The following CATSPERD variants were observed in gnomAD, a reference collection of about 807,000 sequenced individuals.
The protein encoded by CATSPERD is cation channel sperm-associated auxiliary subunit delta.
A neutral mutation model predicts 98.1 loss-of-function variants in CATSPERD; 86 were observed. The ratio of observed to expected loss-of-function variants is 0.88; its 90% CI spans 0.74 to 1.05. The LOEUF is 1.05. CATSPERD is among the 50% of genes least tolerant of loss of function. The pLI, the probability that CATSPERD is intolerant of heterozygous loss-of-function variation, is 0.00. For missense variants in CATSPERD, 995 were observed against 1,005.7 expected (o/e 0.99, Z 0.14); for synonymous variants, 394 against 390.2 (o/e 1.01, Z -0.12).
At chr19:5,775,567 T>C (rs916755771) in intron 20 of CATSPERD, among the ~76,000 whole-genome samples, 3 of 145,436 alleles carry the variant, frequency 2.1e-5, no homozygotes, top group Non-Finnish European at 3.0e-5. Flanking sequence ...GAGAATTGCA[T>C]GCATCCGGGA....
At chr19:5,758,923 C>CA (rs1002375684) in intron 14 of CATSPERD, among the ~76,000 whole-genome samples, 163 bp from the exon 15 acceptor site, 2,979 of 36,916 alleles carry the variant, frequency 0.081, 109 homozygotes, top group Non-Finnish European at 0.12. Context: ...GACTCCATCT[C>CA]AAAAAAAAAA....
intron 15 of CATSPERD, among the ~76,000 whole-genome samples, chr19:5,761,365 G>C (rs968805865): frequency 9.6e-6 from 1 of 104,438 alleles, no homozygotes; most frequent in Admixed American, 1.1e-4. Context: ...GCCTCCCAAA[G>C]TGCTAGAATT....
chr19:5,756,385 T>A (rs924642083), intron 13 of CATSPERD, among the ~76,000 whole-genome samples: 6 of 152,172 alleles, frequency 3.9e-5, no homozygotes, highest in Non-Finnish European at 8.8e-5. Flanking sequence ...ATGCGAAAGT[T>A]TTGGAAACAG....
chr19:5,770,864 A>G (rs2056630439), intron 18 of CATSPERD, 80 bp from the exon 19 acceptor site: 1 of 1,515,004 alleles, frequency 6.6e-7, no homozygotes, highest in Non-Finnish European at 8.8e-7. Flanking sequence ...ATTTGCAAAA[A>G]AGAAACTGCG....
intron 7 of CATSPERD, among the ~76,000 whole-genome samples, chr19:5,741,859 G>A (rs1210918296): frequency 2.3e-5 from 3 of 131,616 alleles, no homozygotes; most frequent in Admixed American, 9.0e-5. Context: ...GTGAAACCCC[G>A]TCTCTACTGA....
rs146186945 is a variant in CATSPERD, at chr19:5,751,451, G to A, written c.988-196G>A. Among the ~76,000 whole-genome samples the A allele has an allele frequency of 8.3e-3, 1,060 of 127,580 alleles. 15 individuals are homozygous for A. The highest frequency in any genetic ancestry group is 0.028 in the African/African-American group (991 of 35,302). 83.7% of individuals were successfully genotyped at this position (127,580 alleles called of 152,430 possible). On this transcript the variant is annotated intron_variant, in intron 11 of 21. Coordinates refer to ENST00000381624, the MANE Select transcript of CATSPERD (RefSeq NM_152784.4). ...CGGGAGGCTGAGGCAGGAGAATGGC[G>A]TGAACCCGGGAGGCGGAGCTTGCAG...
At position 5,746,142 on chromosome 19, in the gene CATSPERD, G is replaced by A. The variant is rs2056089849; in HGVS notation, c.808+79G>A. 5 of 1,509,526 alleles carry A rather than the reference G, an allele frequency of 3.3e-6. No homozygotes were observed. In the Admixed American group the frequency reaches 7.2e-5, roughly 22 times the overall value. The allele number at this position is 1,509,526 out of a possible 1,614,324, so 93.5% of individuals were successfully genotyped here. ...GCCGAGTACAGCCTGGATAAGGGGA[G>A]GGGAAGGAGCAACCCCTCGACCACT... On this transcript the variant is annotated intron_variant, in intron 9 of 21. Coordinates refer to ENST00000381624, the MANE Select transcript of CATSPERD (RefSeq NM_152784.4).
In CATSPERD at chr19:5,729,024, T is replaced by C. The variant is rs551058932; in HGVS notation, c.204-848T>C. On this transcript the variant is annotated intron_variant, in intron 3 of 21. Coordinates refer to ENST00000381624, the MANE Select transcript of CATSPERD (RefSeq NM_152784.4). ...CATCCATCTCTCTCTCTCTCTCTTT[T>C]TTAAAGGCTATTATGAGAAATGCCA... 4.0e-5 allele frequency among the ~76,000 whole-genome samples: 6 copies of C among 150,914 alleles called. No individual in the cohort carries two copies. The South Asian group carries it at 1.3e-3, about 32-fold the overall frequency.
At position 5,768,187 on chromosome 19, in the gene CATSPERD, A is replaced by G. The variant is rs771400884; in HGVS notation, c.1579A>G (p.Met527Val). The part of the protein sequence containing the change: ...VIQNKVSACS[M>V]GILDPLTLQD... ...TTGCAGCAAAGTTTCCGCCTGTTCCATGGGCATCCTGGACCCCTTGACCCT... is the reference window on the plus strand; with the variant it reads ...TTGCAGCAAAGTTTCCGCCTGTTCCGTGGGCATCCTGGACCCCTTGACCCT... Residue 527 changes from methionine to valine, a missense_variant, in exon 18 of 22, where the codon ATG (methionine) becomes GTG (valine). Around this residue, in one of 3 missense-constraint regions of CATSPERD, gnomAD observed 762 missense variants for 773.7 expected, o/e 0.98. Coordinates refer to ENST00000381624, the MANE Select transcript of CATSPERD (RefSeq NM_152784.4). 111 of 1,613,672 alleles carry G rather than the reference A, an allele frequency of 6.9e-5. No individual in the cohort carries two copies. Among genetic ancestry groups the G allele is most frequent in the Non-Finnish European group, 8.8e-5 (104 of 1,179,808 alleles).
chr19:5,742,121 TGTGTGTGC>T (rs1193593584), intron 7 of CATSPERD, among the ~76,000 whole-genome samples: 27 of 150,334 alleles, frequency 1.8e-4, no homozygotes, highest in Admixed American at 7.4e-4. Flanking sequence ...AAATAGCGTT[TGTGTGTGC>T]GTGTGTGCGC....
At position 5,762,058 on chromosome 19, in the gene CATSPERD, A is replaced by ATATATATATATTTTT; in HGVS notation, c.1428-1156_1428-1155insATATATATATTTTTT. On this transcript the variant is annotated intron_variant, in intron 15 of 21. Coordinates refer to ENST00000381624, the MANE Select transcript of CATSPERD (RefSeq NM_152784.4). ...TGGCCTGCCATATATATATATATAT[A>ATATATATATATTTTT]TTTTTTTTTTTTTTTTTTTTTTTGA... Among the ~76,000 whole-genome samples, 11 of 10,440 alleles carry ATATATATATATTTTT rather than the reference A, an allele frequency of 1.1e-3. No homozygotes were observed. The East Asian group carries it at 0.012, about 11-fold the overall frequency. The allele number at this position is 10,440 out of a possible 152,430, so 6.8% of individuals were successfully genotyped here. A position where few individuals can be genotyped will look rare whatever the true frequency, so the allele number is the denominator to read the frequency against.
chr19:5,748,340 C>T (rs2056135799), intron 10 of CATSPERD, 85 bp downstream of exon 10: 3 of 1,304,592 alleles, frequency 2.3e-6, no homozygotes, highest in African/African-American at 2.9e-5. Flanking sequence ...CCAGCCAAAA[C>T]ACGAAATCAG....
intron 7 of CATSPERD, among the ~76,000 whole-genome samples, chr19:5,741,785 CGGGGG>C (rs762072689): frequency 1.6e-4 from 1 of 6,098 alleles, no homozygotes; most frequent in African/African-American, 3.9e-4. Context: ...ATGCTGAAGG[CGGGGG>C]GGGGGGGGTG....
intron 21 of CATSPERD, among the ~76,000 whole-genome samples, chr19:5,777,635 C>CA (rs1171937283): frequency 1.3e-5 from 2 of 152,252 alleles, no homozygotes; most frequent in African/African-American, 4.8e-5. Context: ...GTAATCCCAA[C>CA]ACTTTGGGAG....
Position 5,754,835 on chromosome 19 carries a change from TTTC to T in CATSPERD, c.1278+602_1278+604del, listed in dbSNP as rs1045802827. ...CCTTCTGAGCTGCCCATACATTCAT[TTTC>T]TTCTTCTTCTTTTTTTTTTTTTTTG... is the stretch of plus-strand genomic sequence containing the variant. On this transcript the variant is annotated intron_variant, in intron 13 of 21. Transcript: ENST00000381624. 2.1e-4 allele frequency among the ~76,000 whole-genome samples: 31 copies of T among 147,730 alleles called. No individual in the cohort carries two copies. The Middle Eastern group carries it at 0.014, about 66-fold the overall frequency.
rs770738173 is a variant in CATSPERD at position 5,776,280 on chromosome 19, T to C, written c.2061T>C (p.Tyr687=). 7 of 1,614,216 alleles carry C rather than the reference T, an allele frequency of 4.3e-6. 1 individual carries two copies. In the South Asian group the frequency reaches 5.5e-5, roughly 13 times the overall value. Residue 687 remains tyrosine (Y), a synonymous_variant, in exon 21 of 22, where the codon TAT becomes TAC. Transcript: ENST00000381624. Reference sequence around the variant, plus strand: ...TCATTTTCGGCCACAATGGCTTTTATGTCTTCTACATTTCGATCGTGGATC... The same window carrying C: ...TCATTTTCGGCCACAATGGCTTTTACGTCTTCTACATTTCGATCGTGGATC... ...NQIIFGHNGF[Y]VFYISIVDPY...
At chr19:5,777,019 T>A (rs2056751933) in intron 21 of CATSPERD, among the ~76,000 whole-genome samples, 1 of 152,130 alleles carries the variant, frequency 6.6e-6, no homozygotes, top group Non-Finnish European at 1.5e-5. Flanking sequence ...AGCCAGTTGT[T>A]AAATATTTAG....
intron 4 of CATSPERD, among the ~76,000 whole-genome samples, chr19:5,733,559 C>A (rs185425880): frequency 6.6e-6 from 1 of 151,874 alleles, no homozygotes; most frequent in East Asian, 1.9e-4. Flanking sequence ...TAGGATCAAG[C>A]GATTCTCCTG....
At chr19:5,735,069 G>A (rs1007673387) in intron 5 of CATSPERD, among the ~76,000 whole-genome samples, 4 of 152,102 alleles carry the variant, frequency 2.6e-5, no homozygotes, top group African/African-American at 7.2e-5. Flanking sequence ...GAAAAGAAGA[G>A]GATCGCCTGA....
Sources: gnomAD v4.1 joint callset for allele counts (sites outside exome capture counted in the v4.1 genomes callset) on GRCh38, gnomAD v4.1.1 for gene constraint, gnomAD v4.1.1 regional missense constraint, MANE v1.5 for transcripts, NCBI Gene and HGNC (gene_info 2026-07-23, HGNC 2026-07-21) for gene names.